The following GOLGA6L22 variants were observed in gnomAD, a reference collection of about 807,000 sequenced individuals.
GOLGA6L22 encodes golgin subfamily A member 6-like protein 22.
Under a neutral mutation model 77.1 loss-of-function variants are expected in GOLGA6L22, and 28 were observed. The ratio of observed to expected loss-of-function variants is 0.36; its 90% CI spans 0.27 to 0.50. The LOEUF is 0.50. GOLGA6L22 is among the 20% of genes least tolerant of loss of function. GOLGA6L22 has a pLI of 0.97. For synonymous variants in GOLGA6L22, 62 were observed against 185.3 expected (o/e 0.33, Z 5.41); for missense variants, 250 against 620.4 (o/e 0.40, Z 6.34).
intron 5 of GOLGA6L22, among the ~76,000 whole-genome samples, chr15:22,463,304 A>G (rs906103711): frequency 1.1e-4 from 17 of 149,548 alleles, no homozygotes; most frequent in South Asian, 8.5e-4. Flanking sequence ...CCTGTTAGCC[A>G]GCTCTAAATT....
chr15:22,468,295 T>G (rs1301016988), exon 9 of GOLGA6L22: 10 of 114,268 alleles, frequency 8.8e-5, no homozygotes, highest in Admixed American at 9.0e-5. Context: ...TACCACTTCA[T>G]ACTCAGTTTC....
chr15:22,463,283 C>T (rs1033012504), intron 5 of GOLGA6L22, among the ~76,000 whole-genome samples: 5 of 149,692 alleles, frequency 3.3e-5, no homozygotes, highest in Admixed American at 6.7e-5. Context: ...ATTATCTGAT[C>T]GCTCTGGGCC....
At chr15:22,464,630 C>CCTTT (rs1887621461) in intron 7 of GOLGA6L22, among the ~76,000 whole-genome samples, 1 of 109,522 alleles carries the variant, frequency 9.1e-6, no homozygotes, top group African/African-American at 4.6e-5. Context: ...TTATAGATTA[C>CCTTT]ATTTATTTAT....
At chr15:22,463,349 G>A (rs2140800775) in intron 5 of GOLGA6L22, among the ~76,000 whole-genome samples, 1 of 145,270 alleles carries the variant, frequency 6.9e-6, no homozygotes, top group African/African-American at 2.6e-5. Flanking sequence ...CATCCACTGA[G>A]TTCTTTGAAA....
chr15:22,460,893 A>G, exon 2 of GOLGA6L22: 1 of 1,536,560 alleles, frequency 6.5e-7, no homozygotes, highest in East Asian at 2.3e-5. Context: ...AAGAAAATAA[A>G]TAATGGCACT....
exon 8 of GOLGA6L22, chr15:22,466,482 A>T (rs1887727848): frequency 2.9e-6 from 2 of 682,442 alleles, no homozygotes; most frequent in East Asian, 5.6e-5. Flanking sequence ...AAGATACGGG[A>T]GCAGGAGGAG....
chr15:22,465,735 T>C, exon 8 of GOLGA6L22: 2 of 1,234,034 alleles, frequency 1.6e-6, no homozygotes, highest in Non-Finnish European at 2.1e-6. Context: ...GAGGAGAAGA[T>C]ACGGGAGCAG....
In GOLGA6L22 at chr15:22,465,686, G is replaced by A. The variant is rs774535271; in HGVS notation, c.1294G>A (p.Glu432Lys). 3.5e-5 allele frequency: 37 copies of A among 1,056,538 alleles called. 1 individual carries two copies. The highest frequency in any genetic ancestry group is 1.4e-5 in the Non-Finnish European group (11 of 765,338). The allele number at this position is 1,056,538 out of a possible 1,614,324, so 65.4% of individuals were successfully genotyped here. ...GGAGGAGAAGATACGGAAGCAGGAG[G>A]AGAAGGTGTGGAGGCAGGAGGAGAA... is the stretch of plus-strand genomic sequence containing the variant. The change falls in exon 8 of 9, where the codon GAG becomes AAG. Residue 432 changes from glutamate (E) to lysine (K), a missense_variant. Physicochemically the swap from Glu to Lys is moderately conservative, Grantham distance 56. Transcript: ENST00000622895.
exon 9 of GOLGA6L22, chr15:22,469,128 C>G (rs1458068101): frequency 8.4e-6 from 1 of 118,844 alleles, no homozygotes; most frequent in East Asian, 2.1e-4. Context: ...CCTGCCTGCT[C>G]TCTCAAAATT....
rs776667503 is a variant in GOLGA6L22 at position 22,465,904 on chromosome 15, G to A, written c.1512G>A (p.Glu504=). ...GGAGGGAGGAAGAGAAGATGCATGA[G>A]CAGGAGAAGATATGGGAGGAGGAGA... is the stretch of plus-strand genomic sequence containing the variant. Residue 504 remains glutamate, a synonymous_variant, in exon 8 of 9, where the codon GAG becomes GAA. Coordinates refer to ENST00000622895, the Ensembl canonical transcript of GOLGA6L22. The A allele has an allele frequency of 2.1e-5, 25 of 1,210,292 alleles. 7 individuals carry two copies. The African/African-American group carries it at 5.5e-4, about 27-fold the overall frequency. 75.0% of individuals were successfully genotyped at this position (1,210,292 alleles called of 1,614,324 possible).
In GOLGA6L22 at chr15:22,461,581, CCTT is replaced by C. The variant is rs1290800290; in HGVS notation, c.181-446_181-444del. Among the ~76,000 whole-genome samples the C allele has an allele frequency of 7.3e-3, 377 of 51,684 alleles. 3 individuals carry two copies. The highest frequency in any genetic ancestry group is 7.5e-3 in the Non-Finnish European group (230 of 30,756). The allele number at this position is 51,684 out of a possible 152,430, so 33.9% of individuals were successfully genotyped here. The stretch of plus-strand genomic sequence containing the variant: ...GGGCAAAAACCAAAAAGACCCAAAT[CCTT>C]CTTCTTTGGGAGTTGAGGAGAGTTG... On this transcript the variant is annotated intron_variant, in intron 2 of 8. Coordinates refer to ENST00000622895, the Ensembl canonical transcript of GOLGA6L22.
Position 22,466,932 on chromosome 15 carries a change from C to T in GOLGA6L22, c.*107C>T, listed in dbSNP as rs1364299479. The T allele has an allele frequency of 7.4e-3, 2,894 of 390,682 alleles. 55 individuals carry two copies. In the East Asian group the frequency reaches 0.087, roughly 12 times the overall value. The allele number at this position is 390,682 out of a possible 1,614,324, so 24.2% of individuals were successfully genotyped here. A position where few individuals can be genotyped will look rare whatever the true frequency, so the allele number is the denominator to read the frequency against. Reference sequence around the variant, plus strand: ...TGCAAACCCTGGAGATCATACAGAACGACCTCACCACAACTTAGCAGATGG... The same window carrying T: ...TGCAAACCCTGGAGATCATACAGAATGACCTCACCACAACTTAGCAGATGG... On this transcript the variant is annotated intron_variant, in intron 8 of 8. Transcript: ENST00000622895.
intron 5 of GOLGA6L22, among the ~76,000 whole-genome samples, chr15:22,463,045 G>A (rs1434173859): frequency 7.4e-6 from 1 of 135,120 alleles, no homozygotes; most frequent in African/African-American, 3.1e-5. Flanking sequence ...GAAAGAATGG[G>A]CTTAGAGAAT....
exon 8 of GOLGA6L22, chr15:22,466,583 C>G (rs535766695): frequency 1.7e-6 from 2 of 1,148,000 alleles, no homozygotes; most frequent in East Asian, 5.6e-5. Context: ...GGAGAAGATG[C>G]GGAGGCAGGA....
chr15:22,462,888 T>TA (rs930311894), intron 5 of GOLGA6L22, among the ~76,000 whole-genome samples: 1 of 113,544 alleles, frequency 8.8e-6, no homozygotes, highest in African/African-American at 4.1e-5. Context: ...AAGGATTCAT[T>TA]AAAAAACTCA....
At chr15:22,463,231 G>C (rs1167914631) in intron 5 of GOLGA6L22, among the ~76,000 whole-genome samples, 1 of 149,140 alleles carries the variant, frequency 6.7e-6, no homozygotes, top group Non-Finnish European at 1.5e-5. Flanking sequence ...ACTCAAGAAA[G>C]GTTCGAACAG....
At chr15:22,466,067 C>A in exon 8 of GOLGA6L22, 1 of 940,286 alleles carries the variant, frequency 1.1e-6, no homozygotes. Context: ...GATGTGGAAG[C>A]AGGAGGAGAA....
chr15:22,461,914 C>A, intron 2 of GOLGA6L22, 120 bp from the exon 3 acceptor site: 2 of 970,536 alleles, frequency 2.1e-6, no homozygotes, highest in Non-Finnish European at 3.0e-6. Context: ...CACAGGGTCC[C>A]TGATAAACTG....
At chr15:22,461,998 A>T in intron 2 of GOLGA6L22, 36 bp from the exon 3 acceptor site, 1 of 1,469,618 alleles carries the variant, frequency 6.8e-7, no homozygotes, top group Non-Finnish European at 9.1e-7. Context: ...ATCTCTGCCT[A>T]CCCCTAGTAA....
Sources: gnomAD v4.1 joint callset for allele counts (sites outside exome capture counted in the v4.1 genomes callset) on GRCh38, gnomAD v4.1.1 for gene constraint, MANE v1.5 for transcripts, NCBI Gene and HGNC (gene_info 2026-07-23, HGNC 2026-07-21) for gene names.